Variants in AAK1 observed in about 807,000 individuals in gnomAD.
AAK1 encodes AP2-associated protein kinase 1.
Under a neutral mutation model 116.0 loss-of-function variants are expected in AAK1, and 37 were observed. The ratio of observed to expected loss-of-function variants is 0.32; its 90% CI spans 0.25 to 0.42. The LOEUF (loss-of-function observed/expected upper bound fraction) is 0.42, where lower values mean the gene tolerates loss of function less well. Ranked by LOEUF, AAK1 falls within the 10% of genes least tolerant of loss-of-function variation. The pLI is 1.00. For synonymous variants in AAK1, 458 were observed against 439.9 expected (o/e 1.04, Z -0.51); for missense variants, 919 against 1,170.6 (o/e 0.79, Z 3.14).
intron 2 of AAK1, among the ~76,000 whole-genome samples, chr2:69,613,337 G>C (rs1674170188): frequency 6.6e-6 from 1 of 152,188 alleles, no homozygotes; most frequent in Non-Finnish European, 1.5e-5. Context: ...AGGGGTGATA[G>C]GAGCATCTTT....
chr2:69,520,859 A>G lies in AAK1; in HGVS notation c.1185T>C (p.Thr395=), dbSNP rs1234519222. ...QPALTPRKRA[T]VQPPPQAAGS... ...CTGCAGCCTGAGGTGGGGGCTGAAC[A>G]GTGGCCCTCTTCCGGGGTGTCAGCG... The change falls in exon 11 of 22, where the codon ACT becomes ACC. Residue 395 remains threonine (T), a synonymous_variant. Transcript: ENST00000409085. 1 of 1,581,502 alleles carries G rather than the reference A, an allele frequency of 6.3e-7. No individual in the cohort carries two copies. Among genetic ancestry groups the G allele is most frequent in the Non-Finnish European group, 8.6e-7 (1 of 1,166,654 alleles).
At chr2:69,530,332 T>C (rs1670200430) in intron 7 of AAK1, among the ~76,000 whole-genome samples, 192 bp from the exon 8 acceptor site, 1 of 152,224 alleles carries the variant, frequency 6.6e-6, no homozygotes, top group Admixed American at 6.5e-5. Context: ...CTACCATTAT[T>C]ACCAAATCGT....
intron 2 of AAK1, among the ~76,000 whole-genome samples, chr2:69,573,802 C>T (rs141289557): frequency 5.5e-4 from 83 of 151,808 alleles, no homozygotes; most frequent in African/African-American, 1.7e-3. Flanking sequence ...GAGTTCGAGA[C>T]CAGCCTGGCC....
chr2:69,484,553 G>A (rs1237098950), intron 17 of AAK1, among the ~76,000 whole-genome samples: 7 of 152,194 alleles, frequency 4.6e-5, no homozygotes, highest in African/African-American at 1.7e-4. Flanking sequence ...AGCACTTTGG[G>A]AGGCCGAGGT....
intron 2 of AAK1, among the ~76,000 whole-genome samples, chr2:69,640,119 G>A (rs972629154): frequency 1.3e-5 from 2 of 148,524 alleles, no homozygotes; most frequent in Non-Finnish European, 3.0e-5. Context: ...AACGTTGCTG[G>A]TAAGTAATGG....
In AAK1 at chr2:69,466,614, A is replaced by G. The variant is rs995986639; in HGVS notation, c.*9255T>C. ...AATTCAACTCTATTTGGAACATTTA[A>G]TGGTCAACCCGCGGCAAAAACATTG... is the stretch of plus-strand genomic sequence containing the variant. On this transcript the variant is annotated 3_prime_UTR_variant, in exon 22 of 22. Transcript: ENST00000409085. 27 of 1,108,726 alleles carry G rather than the reference A, an allele frequency of 2.4e-5. No individual in the cohort carries two copies. The highest frequency in any genetic ancestry group is 3.0e-5 in the Non-Finnish European group (27 of 899,616). The allele number at this position is 1,108,726 out of a possible 1,614,324, so 68.7% of individuals were successfully genotyped here. A position where few individuals can be genotyped will look rare whatever the true frequency, so the allele number is the denominator to read the frequency against.
At chr2:69,642,483 C>T (rs1675780584) in intron 2 of AAK1, among the ~76,000 whole-genome samples, 1 of 152,054 alleles carries the variant, frequency 6.6e-6, no homozygotes, top group Non-Finnish European at 1.5e-5. Flanking sequence ...AAACCCCTCT[C>T]TTCTTAAAAG....
At chr2:69,611,041 T>C (rs1674054548) in intron 2 of AAK1, among the ~76,000 whole-genome samples, 2 of 152,114 alleles carry the variant, frequency 1.3e-5, no homozygotes, top group African/African-American at 4.8e-5. Flanking sequence ...TTATGGCTAA[T>C]ATTAGGTGTC....
chr2:69,492,083 CATT>C (rs1375912350), intron 17 of AAK1, among the ~76,000 whole-genome samples: 6 of 152,144 alleles, frequency 3.9e-5, no homozygotes, highest in Non-Finnish European at 7.4e-5. Flanking sequence ...CGTTACTTGA[CATT>C]ATCTACCACC....
Position 69,643,698 on chromosome 2 carries a change from C to A in AAK1, c.-358G>T. 2.5e-6 allele frequency: 3 copies of A among 1,217,640 alleles called. No homozygotes were observed. The highest frequency in any genetic ancestry group is 3.1e-6 in the Non-Finnish European group (3 of 979,038). 75.4% of individuals were successfully genotyped at this position (1,217,640 alleles called of 1,614,324 possible). A position where few individuals can be genotyped will look rare whatever the true frequency, so the allele number is the denominator to read the frequency against. ...GAGAGCCGGGGCCGCGCTCGGCTCCCGCCCGCCCGCCAGCTGATCCCGGGA... is the reference window on the plus strand; with the variant it reads ...GAGAGCCGGGGCCGCGCTCGGCTCCAGCCCGCCCGCCAGCTGATCCCGGGA... On this transcript the variant is annotated 5_prime_UTR_variant, in exon 1 of 22. Transcript: ENST00000409085.
intron 5 of AAK1, among the ~76,000 whole-genome samples, chr2:69,537,218 A>G (rs1167643404): frequency 6.6e-6 from 1 of 152,234 alleles, no homozygotes; most frequent in African/African-American, 2.4e-5. Flanking sequence ...CAGAGAAATG[A>G]AAATTTAAAA....
chr2:69,562,151 C>G (rs1671669536), intron 2 of AAK1, among the ~76,000 whole-genome samples: 2 of 152,152 alleles, frequency 1.3e-5, no homozygotes, highest in African/African-American at 4.8e-5. Context: ...TAAGAAACTG[C>G]CAAGCAGTAC....
chr2:69,577,631 T>C (rs561985946), intron 2 of AAK1, among the ~76,000 whole-genome samples: 7 of 152,328 alleles, frequency 4.6e-5, no homozygotes, highest in South Asian at 2.1e-4. Context: ...GCTTCAAAGA[T>C]TGAGTTACAT....
Position 69,528,441 on chromosome 2 carries a change from A to G in AAK1, c.872-1122T>C, listed in dbSNP as rs573729954. On this transcript the variant is annotated intron_variant, in intron 8 of 21. Coordinates refer to ENST00000409085, the MANE Select transcript of AAK1 (RefSeq NM_014911.5). ...CAACAGTAAAGGCATGAGCTGACAG[A>G]GTCTGTATATACTATGGTGACAGTG... is the stretch of plus-strand genomic sequence containing the variant. Among the ~76,000 whole-genome samples the G allele has an allele frequency of 2.6e-5, 4 of 152,320 alleles. No individual in the cohort carries two copies. In the East Asian group the frequency reaches 5.8e-4, roughly 22 times the overall value.
rs143229322 is a variant in AAK1 at position 69,535,983 on chromosome 2, C to T, written c.535-3821G>A. Among the ~76,000 whole-genome samples the T allele has an allele frequency of 2.1e-4, 32 of 152,326 alleles. 1 individual carries two copies. In the East Asian group the frequency reaches 4.8e-3, roughly 23 times the overall value. ...TTATTAAGTGCCAGACACTGCTCCA[C>T]GCGCTTTTACCTAGAGTATTTCATA... On this transcript the variant is annotated intron_variant, in intron 5 of 21. Transcript: ENST00000409085.
intron 2 of AAK1, among the ~76,000 whole-genome samples, chr2:69,564,428 AG>A (rs1351086985): frequency 5.9e-5 from 9 of 151,976 alleles, no homozygotes; most frequent in African/African-American, 2.2e-4. Context: ...AAAAAAAAAA[AG>A]GAGCAATTCT....
chr2:69,484,063 T>C (rs151293051), intron 17 of AAK1, among the ~76,000 whole-genome samples: 2 of 152,326 alleles, frequency 1.3e-5, no homozygotes, highest in Non-Finnish European at 2.9e-5. Flanking sequence ...ATTCTGTAAC[T>C]TGCCCAATTA....
intron 2 of AAK1, among the ~76,000 whole-genome samples, chr2:69,623,604 A>T (rs1674764515): frequency 6.6e-6 from 1 of 152,214 alleles, no homozygotes; most frequent in Non-Finnish European, 1.5e-5. Context: ...GCTTGAGGTC[A>T]GGAGTTTGAG....
chr2:69,590,286 C>G (rs576710633), intron 2 of AAK1, among the ~76,000 whole-genome samples: 1 of 152,210 alleles, frequency 6.6e-6, no homozygotes, highest in African/African-American at 2.4e-5. Flanking sequence ...ACCCACTTTT[C>G]GTTGGTATTT....
Sources: gnomAD v4.1 joint callset for allele counts (sites outside exome capture counted in the v4.1 genomes callset) on GRCh38, gnomAD v4.1.1 for gene constraint, MANE v1.5 for transcripts, NCBI Gene and HGNC (gene_info 2026-07-23, HGNC 2026-07-21) for gene names.